AP4S1: variants seen among roughly 807,000 people sequenced by gnomAD.
The protein encoded by AP4S1 is adaptor related protein complex 4 subunit sigma 1.
In AP4S1, 23 loss-of-function variants were observed where a neutral mutation model predicts 19.8. The ratio of observed to expected loss-of-function variants is 1.16; its 90% CI spans 0.84 to 1.65. The LOEUF (loss-of-function observed/expected upper bound fraction) is 1.65, where lower values mean the gene tolerates loss of function less well. Ranked by LOEUF, AP4S1 falls within the 40% of genes most tolerant of loss-of-function variation. The probability of loss-of-function intolerance (pLI) is 0.00; values close to 1 mark genes in which losing one functional copy is unlikely to be tolerated. For missense variants in AP4S1, 166 were observed against 172.8 expected (o/e 0.96, Z 0.22); for synonymous variants, 46 against 54.1 (o/e 0.85, Z 0.66).
intron 1 of AP4S1, chr14:31,026,027 TGCCGCGGGACCCGCTCCCTCGGAG>T: frequency 6.5e-7 from 1 of 1,538,698 alleles, no homozygotes; most frequent in Non-Finnish European, 8.8e-7. Context: ...GCTCGGGGCC[TGCCGCGGGACCCGCTCCCTCGGAG>T]GCCGGAGGAC....
intron 1 of AP4S1, among the ~76,000 whole-genome samples, chr14:31,051,460 C>T (rs559265643): frequency 3.2e-4 from 49 of 152,022 alleles, no homozygotes; most frequent in Non-Finnish European, 5.4e-4. Flanking sequence ...CACCTGAGGT[C>T]GAGAGTTCGA....
intron 1 of AP4S1, among the ~76,000 whole-genome samples, chr14:31,028,624 C>T (rs1167435806): frequency 6.7e-6 from 1 of 148,362 alleles, no homozygotes; most frequent in African/African-American, 2.5e-5. Flanking sequence ...CACACAGAGA[C>T]ATTTGTGGCC....
At position 31,028,903 on chromosome 14, in the gene AP4S1, C is replaced by A. The variant is rs1884214607; in HGVS notation, c.-72+3116C>A. Among the ~76,000 whole-genome samples, 6 of 152,080 alleles carry A rather than the reference C, an allele frequency of 3.9e-5. No individual in the cohort carries two copies. In the South Asian group the frequency reaches 1.2e-3, roughly 32 times the overall value. Reference sequence around the variant, plus strand: ...TCCATCCCAAAAACAACAACAACAACAAAAACCATTTGTGAGAATGGTTGA... The same window carrying A: ...TCCATCCCAAAAACAACAACAACAAAAAAAACCATTTGTGAGAATGGTTGA... On this transcript the variant is annotated intron_variant, in intron 1 of 5. Transcript: ENST00000542754.
At chr14:31,064,229 T>G (rs1314655677) in intron 1 of AP4S1, among the ~76,000 whole-genome samples, 1 of 152,180 alleles carries the variant, frequency 6.6e-6, no homozygotes, top group Non-Finnish European at 1.5e-5. Context: ...CACAAAGTCA[T>G]GCAGTGACTT....
intron 1 of AP4S1, 64 bp downstream of exon 1, chr14:31,025,851 C>A (rs1566502817): frequency 1.7e-5 from 27 of 1,562,824 alleles, no homozygotes; most frequent in Non-Finnish European, 2.3e-5. Context: ...GCCCCACCCC[C>A]CGGCCGGGAA....
intron 1 of AP4S1, among the ~76,000 whole-genome samples, chr14:31,061,180 C>T (rs1318471170): frequency 6.6e-6 from 1 of 151,814 alleles, no homozygotes; most frequent in East Asian, 1.9e-4. Context: ...TGTGTCTGGC[C>T]TAATTTTGGT....
intron 1 of AP4S1, among the ~76,000 whole-genome samples, chr14:31,061,852 G>A (rs12435810): frequency 0.46 from 69,895 of 151,612 alleles, 16,471 homozygotes; most frequent in Admixed American, 0.58. Flanking sequence ...ATGTTGGTTA[G>A]GATGGTCTCA....
chr14:31,073,245 C>T (rs1887119965), intron 4 of AP4S1: 1 of 368,688 alleles, frequency 2.7e-6, no homozygotes, highest in Non-Finnish European at 5.1e-6. Context: ...AATCCCAGCA[C>T]TTTGGGAGGC....
intron 4 of AP4S1, chr14:31,073,225 T>A: frequency 2.5e-6 from 1 of 401,072 alleles, no homozygotes; most frequent in Admixed American, 3.7e-5. Context: ...GCGCGATGGC[T>A]CACGCCTGTA....
intron 2 of AP4S1, among the ~76,000 whole-genome samples, chr14:31,068,906 G>T (rs1482989416): frequency 6.6e-6 from 1 of 152,086 alleles, no homozygotes; most frequent in African/African-American, 2.4e-5. Context: ...ATCCAGCTGA[G>T]CAGAGATCCC....
chr14:31,035,761 G>A (rs1444313483), intron 1 of AP4S1, among the ~76,000 whole-genome samples: 1 of 147,852 alleles, frequency 6.8e-6, no homozygotes, highest in Admixed American at 6.9e-5. Flanking sequence ...ACAGAGTCTC[G>A]ATCTGTCACC....
intron 5 of AP4S1, among the ~76,000 whole-genome samples, chr14:31,082,841 A>G (rs1166345445): frequency 1.3e-5 from 2 of 151,368 alleles, no homozygotes. Context: ...GCTTGCAGTG[A>G]GCCGAGATTG....
In AP4S1 at chr14:31,096,212, T is replaced by C. The variant is rs1202227226; in HGVS notation, c.*3177T>C. Reference sequence around the variant, plus strand: ...CCCCTTCTCCTGCAATGTCTTGAAGTAAATTACTGTCATTACAGAAGAGCA... The same window carrying C: ...CCCCTTCTCCTGCAATGTCTTGAAGCAAATTACTGTCATTACAGAAGAGCA... On this transcript the variant is annotated 3_prime_UTR_variant, in exon 6 of 6. Transcript: ENST00000542754. 1 of 151,634 alleles carries C rather than the reference T, an allele frequency of 6.6e-6. No homozygotes were observed. The highest frequency in any genetic ancestry group is 2.4e-5 in the African/African-American group (1 of 41,222). 9.4% of individuals were successfully genotyped at this position (151,634 alleles called of 1,614,324 possible).
At chr14:31,025,496 C>G (rs990488971), upstream of AP4S1, 1 of 209,266 alleles carries the variant, frequency 4.8e-6, no homozygotes, top group African/African-American at 2.4e-5. Context: ...CTATCCTAGT[C>G]CCTCTCTTCG....
chr14:31,080,812 G>A (rs1274333942), intron 5 of AP4S1, among the ~76,000 whole-genome samples: 3 of 151,904 alleles, frequency 2.0e-5, no homozygotes, highest in Admixed American at 6.6e-5. Flanking sequence ...ATGGAGTTTC[G>A]CTCTTCTTGC....
chr14:31,080,152 A>G (rs1221300314), intron 4 of AP4S1, among the ~76,000 whole-genome samples: 2 of 152,188 alleles, frequency 1.3e-5, no homozygotes, highest in Admixed American at 1.3e-4. Context: ...GCTATTACAA[A>G]CACCATTACC....
chr14:31,057,126 A>G (rs1161137429), intron 1 of AP4S1, among the ~76,000 whole-genome samples: 1 of 152,204 alleles, frequency 6.6e-6, no homozygotes, highest in Non-Finnish European at 1.5e-5. Flanking sequence ...ACTGATATGT[A>G]GAGTGAGGCA....
chr14:31,085,454 A>G (rs768214226), intron 5 of AP4S1: 124 of 986,122 alleles, frequency 1.3e-4, no homozygotes, highest in Non-Finnish European at 1.4e-4. Context: ...AATATAGGCT[A>G]GAATCCGGAA....
chr14:31,041,659 T>A (rs1286158667), intron 1 of AP4S1, among the ~76,000 whole-genome samples: 1 of 152,198 alleles, frequency 6.6e-6, no homozygotes, highest in Non-Finnish European at 1.5e-5. Context: ...ATTAAGATAT[T>A]GGATATTCTT....
Sources: gnomAD v4.1 joint callset for allele counts (sites outside exome capture counted in the v4.1 genomes callset) on GRCh38, gnomAD v4.1.1 for gene constraint, MANE v1.5 for transcripts, NCBI Gene and HGNC (gene_info 2026-07-23, HGNC 2026-07-21) for gene names.